Variants in FGD3 observed in about 807,000 individuals in gnomAD.
FGD3 encodes FYVE, RhoGEF and PH domain-containing protein 3.
In FGD3, 45 loss-of-function variants were observed where a neutral mutation model predicts 71.8. The ratio of observed to expected loss-of-function variants is 0.63; its 90% CI spans 0.49 to 0.80. The LOEUF (loss-of-function observed/expected upper bound fraction) is 0.80, where lower values mean the gene tolerates loss of function less well. Among genes scored for constraint, FGD3 ranks in the 30% least tolerant of loss-of-function variants. The pLI is 0.00. For missense variants in FGD3, 844 were observed against 951.5 expected, an observed-to-expected ratio of 0.89 and a Z score of 1.49; for synonymous variants, 378 against 392.8, an observed-to-expected ratio of 0.96 and a Z score of 0.44.
At chr9:92,976,838 A>T in intron 3 of FGD3, 129 bp downstream of exon 3, 2 of 1,087,272 alleles carry the variant, frequency 1.8e-6, no homozygotes, top group Non-Finnish European at 2.6e-6. Context: ...TGCTGTGTGC[A>T]AGGGGAGGTC....
intron 2 of FGD3, 119 bp from the exon 3 acceptor site, chr9:92,976,089 G>C: frequency 1.6e-6 from 1 of 619,182 alleles, no homozygotes; most frequent in Middle Eastern, 4.5e-4. Flanking sequence ...CAGCCCACCT[G>C]CTCCAGGCTT....
intron 1 of FGD3, among the ~76,000 whole-genome samples, chr9:92,959,687 A>G (rs1384176921): frequency 6.9e-6 from 1 of 145,588 alleles, no homozygotes; most frequent in Non-Finnish European, 1.5e-5. Context: ...AGCCTGGGCA[A>G]CAGAGGGAAA....
intron 3 of FGD3, among the ~76,000 whole-genome samples, chr9:92,996,429 C>A (rs1366713371): frequency 1.3e-5 from 2 of 152,074 alleles, no homozygotes; most frequent in Non-Finnish European, 2.9e-5. Context: ...AAAACCAGCT[C>A]CTGGATTCAT....
At chr9:93,032,653 T>C in intron 15 of FGD3, 116 bp from the exon 16 acceptor site, 2 of 920,536 alleles carry the variant, frequency 2.2e-6, no homozygotes, top group Non-Finnish European at 3.5e-6. Context: ...CACGCCACAC[T>C]GTGTTAAGTC....
chr9:92,998,635 G>C (rs1334250507), intron 3 of FGD3, among the ~76,000 whole-genome samples: 1 of 152,146 alleles, frequency 6.6e-6, no homozygotes, highest in Non-Finnish European at 1.5e-5. Context: ...GTTGATGATG[G>C]TGACATACAG....
chr9:93,013,373 CAG>C (rs1476494970), intron 8 of FGD3, among the ~76,000 whole-genome samples: 1 of 152,182 alleles, frequency 6.6e-6, no homozygotes, highest in African/African-American at 2.4e-5. Context: ...GCGTCTGGCT[CAG>C]AGCTGAAGCA....
At chr9:92,970,545 G>A (rs1200068875) in intron 1 of FGD3, among the ~76,000 whole-genome samples, 1 of 152,158 alleles carries the variant, frequency 6.6e-6, no homozygotes, top group African/African-American at 2.4e-5. Context: ...GCTAGTGATT[G>A]GCCAGCCACT....
At chr9:93,021,660 C>G (rs1032075490) in intron 13 of FGD3, among the ~76,000 whole-genome samples, 2 of 152,178 alleles carry the variant, frequency 1.3e-5, no homozygotes, top group African/African-American at 4.8e-5. Context: ...ACCCAGACCC[C>G]GCAGGCCTGA....
At chr9:93,004,806 A>G (rs1860991648) in intron 5 of FGD3, among the ~76,000 whole-genome samples, 1 of 152,122 alleles carries the variant, frequency 6.6e-6, no homozygotes, top group African/African-American at 2.4e-5. Context: ...CCGTTCTCCA[A>G]GCTGCAACCC....
chr9:93,011,826 A>G lies in FGD3; in HGVS notation c.1035+554A>G, dbSNP rs550978309. 2.0e-5 allele frequency among the ~76,000 whole-genome samples: 3 copies of G among 150,886 alleles called. No individual in the cohort carries two copies. In the East Asian group the frequency reaches 5.9e-4, roughly 30 times the overall value. ...AGCCGAGATCGTGCCACTGCACTCC[A>G]GCCTGTGCAACAGAGTGAGACTCCG... On this transcript the variant is annotated intron_variant, in intron 8 of 17. Transcript: ENST00000375482.
chr9:93,035,393 A>G lies in FGD3; in HGVS notation c.1982A>G (p.Asp661Gly). The change falls in exon 18 of 18, where the codon GAC (aspartate) becomes GGC (glycine). Residue 661 changes from aspartate (D) to glycine (G), a missense_variant. Asp to Gly is a moderately conservative substitution (Grantham distance 94). Coordinates refer to ENST00000375482, the MANE Select transcript of FGD3 (RefSeq NM_001083536.2). ...CCCAGCTGCAAACTGAGTGTGCCGG[A>G]CCCTGAGGAGAGGCTGGACTCGGGG... ...PLPSCKLSVP[D>G]PEERLDSGHV... The G allele has an allele frequency of 1.2e-6, 2 of 1,611,402 alleles. No homozygotes were observed. Among genetic ancestry groups the G allele is most frequent in the Non-Finnish European group, 1.7e-6 (2 of 1,179,102 alleles).
intron 3 of FGD3, among the ~76,000 whole-genome samples, chr9:92,988,913 C>T (rs879454113): frequency 6.6e-5 from 10 of 152,216 alleles, no homozygotes; most frequent in Non-Finnish European, 1.0e-4. Flanking sequence ...CCCAATAAAT[C>T]ACCCTCTGCT....
chr9:93,002,992 A>C lies in FGD3; in HGVS notation c.521A>C (p.Lys174Thr). Residue 174 changes from lysine (K) to threonine (T), a missense_variant, in exon 4 of 18, where the codon AAG (lysine) becomes ACG (threonine). Lys to Thr is a moderately conservative substitution (Grantham distance 78, BLOSUM62 -1). Coordinates refer to ENST00000375482, the MANE Select transcript of FGD3 (RefSeq NM_001083536.2). ...CTGCACACCGAGGAGACCTATGTGA[A>C]GCGGCTGCACCTGCTGGACCAGGTA... ...ELLHTEETYV[K>T]RLHLLDQVFC... 1 of 1,614,184 alleles carries C rather than the reference A, an allele frequency of 6.2e-7. No homozygotes were observed. Among genetic ancestry groups the C allele is most frequent in the Non-Finnish European group, 8.5e-7 (1 of 1,180,040 alleles).
intron 3 of FGD3, among the ~76,000 whole-genome samples, chr9:93,000,277 A>G (rs1464257004): frequency 6.6e-6 from 1 of 152,194 alleles, no homozygotes; most frequent in East Asian, 1.9e-4. Context: ...ATTTATTCAT[A>G]TAGATTTAAA....
intron 14 of FGD3, among the ~76,000 whole-genome samples, chr9:93,028,138 C>A (rs925501424): frequency 2.0e-5 from 3 of 151,826 alleles, no homozygotes; most frequent in Non-Finnish European, 2.9e-5. Context: ...GAGTATCCCT[C>A]CCCAGCTCCA....
At chr9:92,992,881 G>A (rs1860471114) in intron 3 of FGD3, among the ~76,000 whole-genome samples, 1 of 152,132 alleles carries the variant, frequency 6.6e-6, no homozygotes, top group Admixed American at 6.5e-5. Flanking sequence ...GAGGACTGTG[G>A]GATTCTCTTG....
At chr9:92,999,898 A>G (rs1860798307) in intron 3 of FGD3, among the ~76,000 whole-genome samples, 1 of 151,890 alleles carries the variant, frequency 6.6e-6, no homozygotes, top group Admixed American at 6.6e-5. Flanking sequence ...GGCTGCCAAT[A>G]TGTCTTTTGA....
At chr9:92,982,291 T>C (rs1860027109) in intron 3 of FGD3, among the ~76,000 whole-genome samples, 2 of 152,236 alleles carry the variant, frequency 1.3e-5, no homozygotes, top group African/African-American at 4.8e-5. Flanking sequence ...TCTAGTTCCA[T>C]CCATGTTGCC....
At chr9:93,004,260 T>C in intron 5 of FGD3, 123 bp downstream of exon 5, 1 of 1,289,312 alleles carries the variant, frequency 7.8e-7, no homozygotes, top group Non-Finnish European at 1.1e-6. Context: ...CTCCCTTCTC[T>C]GCACGGTCCT....
Sources: gnomAD v4.1 joint callset for allele counts (sites outside exome capture counted in the v4.1 genomes callset) on GRCh38, gnomAD v4.1.1 for gene constraint, MANE v1.5 for transcripts, NCBI Gene and HGNC (gene_info 2026-07-23, HGNC 2026-07-21) for gene names.